Variants in DDX28 observed in about 807,000 individuals in gnomAD.
DDX28 encodes the protein probable ATP-dependent RNA helicase DDX28.
A neutral mutation model predicts 26.8 loss-of-function variants in DDX28; 25 were observed. The ratio of observed to expected loss-of-function variants is 0.93; its 90% CI spans 0.68 to 1.30. DDX28 has a LOEUF of 1.30. Ranked by LOEUF, DDX28 falls within the 50% of genes most tolerant of loss-of-function variation. DDX28 has a pLI of 0.00. For synonymous variants in DDX28, 370 were observed against 311.9 expected (o/e 1.19, Z -1.96); for missense variants, 790 against 695.1 (o/e 1.14, Z -1.53).
Position 68,023,117 on chromosome 16 carries a change from G to A in DDX28, c.86C>T (p.Pro29Leu), listed in dbSNP as rs2033281035. The A allele has an allele frequency of 5.6e-6, 9 of 1,604,304 alleles. No homozygotes were observed. Among genetic ancestry groups the A allele is most frequent in the Admixed American group, 1.7e-5 (1 of 59,994 alleles). ...GCGCACCACCGGCAGGGGTTCGTCG[G>A]GACTGCGGACCGTGAGGCCCCGTCG... Reference protein sequence around the residue: ...APRRGLTVRSPDEPLPVVRIP... With the variant: ...APRRGLTVRSLDEPLPVVRIP... Residue 29 changes from proline to leucine, a missense_variant, in exon 1 of 1, where the codon CCC (proline) becomes CTC (leucine). Physicochemically the swap from Pro to Leu is moderately conservative, Grantham distance 98. Transcript: ENST00000332395.
At position 68,021,781 on chromosome 16, in the gene DDX28, G is replaced by T. The variant is rs763744932; in HGVS notation, c.1422C>A (p.Phe474Leu). 11 of 1,614,148 alleles carry T rather than the reference G, an allele frequency of 6.8e-6. No homozygotes were observed. In the South Asian group the frequency reaches 1.2e-4, roughly 18 times the overall value. ...GGATGTAATCTTGCAGCGTTGGGGG[G>T]AAATCATAATTGACAACCAGCTCCA... Reference protein sequence around the residue: ...TGVELVVNYDFPPTLQDYIHR... With the variant: ...TGVELVVNYDLPPTLQDYIHR... Residue 474 changes from phenylalanine to leucine, a missense_variant, in exon 1 of 1, where the codon TTC becomes TTA. Physicochemically the swap from Phe to Leu is conservative, Grantham distance 22 (BLOSUM62 0). Coordinates refer to ENST00000332395, the MANE Select transcript of DDX28 (RefSeq NM_018380.4).
rs1400788173 is a variant in DDX28 at position 68,021,734 on chromosome 16, C to T, written c.1469G>A (p.Arg490His). ...DYIHRAGRVG[R>H]VGSEVPGTVI... is the part of the protein sequence containing the mutation. ...GGTGCCTGGCACCTCGCTCCCCACA[C>T]GGCCCACTCTCCCTGCTCTGTGGAT... Residue 490 changes from arginine (R) to histidine (H), a missense_variant, in exon 1 of 1, where the codon CGT (arginine) becomes CAT (histidine). By Grantham distance (29) the Arg-to-His change is conservative. Transcript: ENST00000332395. 51 of 1,614,202 alleles carry T rather than the reference C, an allele frequency of 3.2e-5. No homozygotes were observed. The highest frequency in any genetic ancestry group is 1.6e-4 in the Middle Eastern group (1 of 6,062).
Position 68,021,567 on chromosome 16 carries a change from AG to A in DDX28, c.*12del. Reference sequence around the variant, plus strand: ...CCTGTTCTAGCATCACATTTTAATCAGATTTGTCAAAATCAGGTTGCTTGGG... The same window carrying A: ...CCTGTTCTAGCATCACATTTTAATCAATTTGTCAAAATCAGGTTGCTTGGG... On this transcript the variant is annotated 3_prime_UTR_variant, in exon 1 of 1. Coordinates refer to ENST00000332395, the MANE Select transcript of DDX28 (RefSeq NM_018380.4). 1 of 1,606,670 alleles carries A rather than the reference AG, an allele frequency of 6.2e-7. No homozygotes were observed. The highest frequency in any genetic ancestry group is 8.5e-7 in the Non-Finnish European group (1 of 1,175,332).
Position 68,021,658 on chromosome 16 carries a change from A to C in DDX28, c.1545T>G (p.Ile515Met), listed in dbSNP as rs765707529. ...HPWDVSLVQK[I>M]ELAARRRRSL... ...TTCTCCTTCGGCGAGCCGCCAGCTCAATCTTCTGAACCAGGCTCACATCCC... is the reference window on the plus strand; with the variant it reads ...TTCTCCTTCGGCGAGCCGCCAGCTCCATCTTCTGAACCAGGCTCACATCCC... Residue 515 changes from isoleucine (I) to methionine (M), a missense_variant, in exon 1 of 1, where the codon ATT becomes ATG. By Grantham distance (10) the Ile-to-Met change is conservative. Transcript: ENST00000332395. 7.4e-5 allele frequency: 120 copies of C among 1,614,188 alleles called. No homozygotes were observed. In the South Asian group the frequency reaches 9.7e-4, roughly 13 times the overall value.
Position 68,021,802 on chromosome 16 carries a change from C to G in DDX28, c.1401G>C (p.Glu467Asp), listed in dbSNP as rs780213727. ...ASRGLDSTGV[E>D]LVVNYDFPPT... ...GGGGGAAATCATAATTGACAACCAG[C>G]TCCACACCAGTGCTGTCCAGGCCCC... The change falls in exon 1 of 1, where the codon GAG (glutamate) becomes GAC (aspartate). Residue 467 changes from glutamate (E) to aspartate (D), a missense_variant. Glu to Asp is a conservative substitution (Grantham distance 45). Coordinates refer to ENST00000332395, the MANE Select transcript of DDX28 (RefSeq NM_018380.4). 6.2e-6 allele frequency: 10 copies of G among 1,614,156 alleles called. No individual in the cohort carries two copies. Among genetic ancestry groups the G allele is most frequent in the Non-Finnish European group, 8.5e-6 (10 of 1,180,022 alleles).
At position 68,021,515 on chromosome 16, in the gene DDX28, C is replaced by A; in HGVS notation, c.*65G>T. ...AGAGCCTCCCACTGACAAGTGTGGT[C>A]ACCCACTCAAGATACTGGGAAAGAT... On this transcript the variant is annotated 3_prime_UTR_variant, in exon 1 of 1. Coordinates refer to ENST00000332395, the MANE Select transcript of DDX28 (RefSeq NM_018380.4). The A allele has an allele frequency of 6.5e-7, 1 of 1,537,964 alleles. No homozygotes were observed. The highest frequency in any genetic ancestry group is 1.3e-5 in the South Asian group (1 of 79,494).
In DDX28 at chr16:68,022,390, T is replaced by C; in HGVS notation, c.813A>G (p.Lys271=). 2 of 1,614,074 alleles carry C rather than the reference T, an allele frequency of 1.2e-6. No homozygotes were observed. Among genetic ancestry groups the C allele is most frequent in the Non-Finnish European group, 1.7e-6 (2 of 1,179,990 alleles). ...GTTGCTCCAGACTGATCAGTCGACT[T>C]TTCAGGGCCTTCCACAGAGCCCCTG... The part of the protein sequence containing the change: ...ATPGALWKAL[K]SRLISLEQLS... Residue 271 remains lysine, a synonymous_variant, in exon 1 of 1, where the codon AAA becomes AAG. Transcript: ENST00000332395.
In DDX28 at chr16:68,021,380, G is replaced by A. The variant is rs2033235517; in HGVS notation, c.*200C>T. 1 of 593,748 alleles carries A rather than the reference G, an allele frequency of 1.7e-6. No homozygotes were observed. Among genetic ancestry groups the A allele is most frequent in the Non-Finnish European group, 3.0e-6 (1 of 338,420 alleles). The allele number at this position is 593,748 out of a possible 1,614,324, so 36.8% of individuals were successfully genotyped here. On this transcript the variant is annotated 3_prime_UTR_variant, in exon 1 of 1. Transcript: ENST00000332395. ...CAAAATCCACTTGTGTCTTGCTAAA[G>A]ACTACAGAAAGCCATGCTCAGCAGC...
chr16:68,021,418 G>A lies in DDX28; in HGVS notation c.*162C>T. ...CATGCTCAGCAGCTTCTTCTCCAAT[G>A]CTGGCCAGCAGCGTACCTTTCCAAG... On this transcript the variant is annotated 3_prime_UTR_variant, in exon 1 of 1. Transcript: ENST00000332395. The A allele has an allele frequency of 1.1e-5, 8 of 699,792 alleles. No homozygotes were observed. Among genetic ancestry groups the A allele is most frequent in the Non-Finnish European group, 1.4e-5 (6 of 427,846 alleles). The allele number at this position is 699,792 out of a possible 1,614,324, so 43.3% of individuals were successfully genotyped here.
At position 68,023,167 on chromosome 16, in the gene DDX28, G is replaced by T. The variant is rs761962423; in HGVS notation, c.36C>A (p.Leu12=). ...GCGGCGCCAGGAGCAACCGAGTCAC[G>T]AGGGAAAAGAGCCGCACCGGCCGCG... ...ALTRPVRLFS[L]VTRLLLAPRR... Residue 12 remains leucine, a synonymous_variant, in exon 1 of 1, where the codon CTC becomes CTA. Coordinates refer to ENST00000332395, the MANE Select transcript of DDX28 (RefSeq NM_018380.4). The T allele has an allele frequency of 3.1e-6, 5 of 1,609,064 alleles. No homozygotes were observed. The highest frequency in any genetic ancestry group is 4.2e-6 in the Non-Finnish European group (5 of 1,179,624).
rs750372765 is a variant in DDX28 at position 68,023,084 on chromosome 16, A to G, written c.119T>C (p.Val40Ala). Reference sequence around the variant, plus strand: ...CTGTTCCAACTGCCGCTGTAGAGCCACTGGGATGCGCACCACCGGCAGGGG... The same window carrying G: ...CTGTTCCAACTGCCGCTGTAGAGCCGCTGGGATGCGCACCACCGGCAGGGG... ...DEPLPVVRIP[V>A]ALQRQLEQRQ... Residue 40 changes from valine to alanine, a missense_variant, in exon 1 of 1, where the codon GTG becomes GCG. Transcript: ENST00000332395. 6.2e-7 allele frequency: 1 copy of G among 1,601,792 alleles called. No homozygotes were observed. Among genetic ancestry groups the G allele is most frequent in the Non-Finnish European group, 8.5e-7 (1 of 1,179,780 alleles).
At position 68,022,610 on chromosome 16, in the gene DDX28, G is replaced by C. The variant is rs761555010; in HGVS notation, c.593C>G (p.Ser198Cys). The change falls in exon 1 of 1, where the codon TCC becomes TGC. Residue 198 changes from serine to cysteine, a missense_variant. Physicochemically the swap from Ser to Cys is moderately radical, Grantham distance 112 (BLOSUM62 -1). Transcript: ENST00000332395. ...GCCTCGGGGCGCGGGGATAGGAAGGGAGTCCAGGCTTGGCTGGCCCAAGAG... is the reference window on the plus strand; with the variant it reads ...GCCTCGGGGCGCGGGGATAGGAAGGCAGTCCAGGCTTGGCTGGCCCAAGAG... ...QRLLGQPSLDSLPIPAPRGLV... is the reference protein window; with the variant it reads ...QRLLGQPSLDCLPIPAPRGLV... The C allele has an allele frequency of 1.2e-6, 2 of 1,613,692 alleles. No individual in the cohort carries two copies. Among genetic ancestry groups the C allele is most frequent in the South Asian group, 2.2e-5 (2 of 91,054 alleles).
In DDX28 at chr16:68,021,776, G is replaced by A. The variant is rs1039993207; in HGVS notation, c.1427C>T (p.Pro476Leu). 3 of 1,613,992 alleles carry A rather than the reference G, an allele frequency of 1.9e-6. No individual in the cohort carries two copies. The highest frequency in any genetic ancestry group is 2.5e-6 in the Non-Finnish European group (3 of 1,180,022). The change falls in exon 1 of 1, where the codon CCA (proline) becomes CTA (leucine). Residue 476 changes from proline to leucine, a missense_variant. Pro to Leu is a moderately conservative substitution (Grantham distance 98). Transcript: ENST00000332395. The part of the protein sequence containing the change: ...VELVVNYDFP[P>L]TLQDYIHRAG... The stretch of plus-strand genomic sequence containing the variant: ...TCTGTGGATGTAATCTTGCAGCGTT[G>A]GGGGGAAATCATAATTGACAACCAG...
rs1171837906 is a variant in DDX28 at position 68,022,670 on chromosome 16, T to C, written c.533A>G (p.Lys178Arg). 1.9e-6 allele frequency: 3 copies of C among 1,613,218 alleles called. No individual in the cohort carries two copies. Among genetic ancestry groups the C allele is most frequent in the Non-Finnish European group, 2.5e-6 (3 of 1,179,968 alleles). Residue 178 changes from lysine (K) to arginine (R), a missense_variant, in exon 1 of 1, where the codon AAG (lysine) becomes AGG (arginine). Lys to Arg is a conservative substitution (Grantham distance 26). Coordinates refer to ENST00000332395, the MANE Select transcript of DDX28 (RefSeq NM_018380.4). ...CAGCGGCAGGAGGTAGCTGAGAGTCTTGCCACTGCCGGTTTCTGCGGCGCA... is the reference window on the plus strand; with the variant it reads ...CAGCGGCAGGAGGTAGCTGAGAGTCCTGCCACTGCCGGTTTCTGCGGCGCA... ...VVCAAETGSGKTLSYLLPLLQ... is the reference protein window; with the variant it reads ...VVCAAETGSGRTLSYLLPLLQ...
At position 68,022,518 on chromosome 16, in the gene DDX28, A is replaced by G. The variant is rs1247788479; in HGVS notation, c.685T>C (p.Ser229Pro). The change falls in exon 1 of 1, where the codon TCC (serine) becomes CCC (proline). Residue 229 changes from serine (S) to proline (P), a missense_variant. Ser to Pro is a moderately conservative substitution (Grantham distance 74). Transcript: ENST00000332395. ...AGGTCCCGCACCAGCAGGCCCAAGG[A>G]GCGGCCCAAGGGTTGGGCCACAGCC... ...VRAVAQPLGR[S>P]LGLLVRDLEG... 3.1e-6 allele frequency: 5 copies of G among 1,613,712 alleles called. No homozygotes were observed. The highest frequency in any genetic ancestry group is 2.7e-5 in the African/African-American group (2 of 74,914).
At position 68,022,472 on chromosome 16, in the gene DDX28, C is replaced by T. The variant is rs200843826; in HGVS notation, c.731G>A (p.Arg244His). 1 of 1,613,878 alleles carries T rather than the reference C, an allele frequency of 6.2e-7. No homozygotes were observed. Among genetic ancestry groups the T allele is most frequent in the South Asian group, 1.1e-5 (1 of 91,082 alleles). ...TCTGGACAGCTGCAGCCTGATCCTA[C>T]GCATGCCGTGGCCTCCCTCCAGGTC... Reference protein sequence around the residue: ...VRDLEGGHGMRRIRLQLSRQP... With the variant: ...VRDLEGGHGMHRIRLQLSRQP... The change falls in exon 1 of 1, where the codon CGT (arginine) becomes CAT (histidine). Residue 244 changes from arginine (R) to histidine (H), a missense_variant. By Grantham distance (29) the Arg-to-His change is conservative. Coordinates refer to ENST00000332395, the MANE Select transcript of DDX28 (RefSeq NM_018380.4).
rs1308365348 is a variant in DDX28, at chr16:68,022,294, G to C, written c.909C>G (p.Ile303Met). 3 of 1,614,108 alleles carry C rather than the reference G, an allele frequency of 1.9e-6. No homozygotes were observed. The highest frequency in any genetic ancestry group is 1.3e-5 in the African/African-American group (1 of 74,950). Residue 303 changes from isoleucine (I) to methionine (M), a missense_variant, in exon 1 of 1, where the codon ATC becomes ATG. Ile to Met is a conservative substitution (Grantham distance 10, BLOSUM62 1). Transcript: ENST00000332395. ...CTTCTGCTATGTGGCTCTTCTCTAA[G>C]ATGTAGTCCACCAGTTCCAGGAAGC... The part of the protein sequence containing the change: ...DESFLELVDY[I>M]LEKSHIAEGP...
chr16:68,022,802 T>G lies in DDX28; in HGVS notation c.401A>C (p.Glu134Ala). ...CTGTAGTGCGTGCAGCACACGGGGC[T>G]CCAGGCCCAGGTCAGCAAAGCTGCC... ...SKGSFADLGL[E>A]PRVLHALQEA... Residue 134 changes from glutamate (E) to alanine (A), a missense_variant, in exon 1 of 1, where the codon GAG becomes GCG. Glu to Ala is a moderately radical substitution (Grantham distance 107). Coordinates refer to ENST00000332395, the MANE Select transcript of DDX28 (RefSeq NM_018380.4). 6.3e-7 allele frequency: 1 copy of G among 1,588,128 alleles called. No individual in the cohort carries two copies. The highest frequency in any genetic ancestry group is 8.6e-7 in the Non-Finnish European group (1 of 1,166,808).
At position 68,022,663 on chromosome 16, in the gene DDX28, G is replaced by A. The variant is rs771118875; in HGVS notation, c.540C>T (p.Leu180=). ...GTTGAAGCAGCGGCAGGAGGTAGCT[G>A]AGAGTCTTGCCACTGCCGGTTTCTG... is the stretch of plus-strand genomic sequence containing the variant. ...CAAETGSGKT[L]SYLLPLLQRL... Residue 180 remains leucine, a synonymous_variant, in exon 1 of 1, where the codon CTC becomes CTT. Transcript: ENST00000332395. 1.2e-6 allele frequency: 2 copies of A among 1,613,184 alleles called. No individual in the cohort carries two copies. The highest frequency in any genetic ancestry group is 2.2e-5 in the South Asian group (2 of 91,020).
Sources: gnomAD v4.1 joint callset for allele counts on GRCh38, gnomAD v4.1.1 for gene constraint, MANE v1.5 for transcripts, NCBI Gene and HGNC (gene_info 2026-07-23, HGNC 2026-07-21) for gene names.